GTF3C1: variants seen among roughly 807,000 people sequenced by gnomAD.
The protein encoded by GTF3C1 is general transcription factor 3C polypeptide 1.
In GTF3C1, 57 loss-of-function variants were observed where a neutral mutation model predicts 226.7. That is an observed-to-expected ratio of 0.25 (90% CI 0.20 to 0.31). The LOEUF (loss-of-function observed/expected upper bound fraction) is 0.31. Ranked by LOEUF, GTF3C1 falls within the 10% of genes least tolerant of loss-of-function variation. GTF3C1 has a pLI of 1.00. For synonymous variants in GTF3C1, 1,090 were observed against 1,084.8 expected (o/e 1.00, Z -0.09); for missense variants, 2,217 against 2,776.1 (o/e 0.80, Z 4.53).
rs2088518614 is a variant in GTF3C1 at position 27,508,296 on chromosome 16, C to T, written c.1242+244G>A. ...AAAGTGTTGGGATTACAGGTGTGGG[C>T]CACCATGCCTGGCACTTTTCAAAGC... On this transcript the variant is annotated intron_variant, in intron 8 of 36. Coordinates refer to ENST00000356183, the MANE Select transcript of GTF3C1 (RefSeq NM_001520.4). 6.6e-6 allele frequency among the ~76,000 whole-genome samples: 1 copy of T among 152,204 alleles called. No homozygotes were observed. The highest frequency in any genetic ancestry group is 1.5e-5 in the Non-Finnish European group (1 of 68,036).
rs1596642064 is a variant in GTF3C1 at position 27,508,444 on chromosome 16, C to G, written c.1242+96G>C. 3 of 938,712 alleles carry G rather than the reference C, an allele frequency of 3.2e-6. No homozygotes were observed. In the East Asian group the frequency reaches 7.3e-5, roughly 23 times the overall value. The allele number at this position is 938,712 out of a possible 1,614,324, so 58.1% of individuals were successfully genotyped here. A position where few individuals can be genotyped will look rare whatever the true frequency, so the allele number is the denominator to read the frequency against. The stretch of plus-strand genomic sequence containing the variant: ...CCATTTGCCTCCTTGACACAGATGT[C>G]AGGCCATCGAGTCTTCTGACTGAGA... On this transcript the variant is annotated intron_variant, in intron 8 of 36. Coordinates refer to ENST00000356183, the MANE Select transcript of GTF3C1 (RefSeq NM_001520.4).
intron 6 of GTF3C1, among the ~76,000 whole-genome samples, chr16:27,515,465 CAAAAA>C (rs74993489): frequency 2.3e-3 from 314 of 135,928 alleles, no homozygotes; most frequent in African/African-American, 8.0e-3. Context: ...CAAAACACAA[CAAAAA>C]AAAAAAACAA....
chr16:27,470,452 T>C lies in GTF3C1; in HGVS notation c.4527-57A>G, dbSNP rs563487271. The C allele has an allele frequency of 1.2e-3, 1,632 of 1,400,346 alleles. 6 individuals are homozygous for C. The highest frequency in any genetic ancestry group is 1.4e-3 in the Non-Finnish European group (1,438 of 1,000,902). The allele number at this position is 1,400,346 out of a possible 1,614,324, so 86.7% of individuals were successfully genotyped here. On this transcript the variant is annotated intron_variant, in intron 30 of 36. Coordinates refer to ENST00000356183, the MANE Select transcript of GTF3C1 (RefSeq NM_001520.4). This position sits in a 1 kb window ranked among gnomAD's most constrained non-coding sequence, Gnocchi z 4.9. Reference sequence around the variant, plus strand: ...GAGGGCCAGCTGTGGGAAGCCTTCATTTGGATGGACTATGAGCACGTCAAA... The same window carrying C: ...GAGGGCCAGCTGTGGGAAGCCTTCACTTGGATGGACTATGAGCACGTCAAA...
chr16:27,471,591 A>G lies in GTF3C1; in HGVS notation c.4526+157T>C. ...TGATCCCCATACCACGAAGGAGGTA[A>G]GGGGCTGCAGGAAACCCAAGCCGGC... On this transcript the variant is annotated intron_variant, in intron 30 of 36. Coordinates refer to ENST00000356183, the MANE Select transcript of GTF3C1 (RefSeq NM_001520.4). The surrounding 1 kb of genome is among the most constrained non-coding windows in gnomAD (Gnocchi z 5.0). 1.6e-6 allele frequency: 1 copy of G among 627,030 alleles called. No individual in the cohort carries two copies. The highest frequency in any genetic ancestry group is 2.8e-6 in the Non-Finnish European group (1 of 351,022). The allele number at this position is 627,030 out of a possible 1,614,324, so 38.8% of individuals were successfully genotyped here.
Position 27,490,386 on chromosome 16 carries a change from A to G in GTF3C1, c.3152-643T>C, listed in dbSNP as rs914439814. 2.0e-5 allele frequency among the ~76,000 whole-genome samples: 3 copies of G among 152,226 alleles called. No individual in the cohort carries two copies. In the South Asian group the frequency reaches 6.2e-4, roughly 32 times the overall value. On this transcript the variant is annotated intron_variant, in intron 19 of 36. Transcript: ENST00000356183. ...GTGAGGGAAGGTTTGCAGACTCTCA[A>G]AGACTCTCTCCTAGCATGCTTGGAG... is the stretch of plus-strand genomic sequence containing the variant.
At chr16:27,528,162 C>T (rs1359180898) in intron 6 of GTF3C1, among the ~76,000 whole-genome samples, 1 of 152,134 alleles carries the variant, frequency 6.6e-6, no homozygotes, top group Non-Finnish European at 1.5e-5. Flanking sequence ...GCAGTTTCAG[C>T]TACTCAGGAG....
chr16:27,542,178 G>A (rs2089094889), intron 2 of GTF3C1, among the ~76,000 whole-genome samples: 1 of 152,194 alleles, frequency 6.6e-6, no homozygotes, highest in African/African-American at 2.4e-5. Context: ...CCACGTGCAT[G>A]AGAGTACATC....
At chr16:27,546,988 T>A (rs2089174521) in intron 1 of GTF3C1, among the ~76,000 whole-genome samples, 1 of 152,008 alleles carries the variant, frequency 6.6e-6, no homozygotes, top group Non-Finnish European at 1.5e-5. Flanking sequence ...ATGATCCACC[T>A]GCCTCGGCCT....
chr16:27,519,728 G>T (rs1403210432), intron 6 of GTF3C1, among the ~76,000 whole-genome samples: 10 of 152,106 alleles, frequency 6.6e-5, no homozygotes, highest in Non-Finnish European at 1.2e-4. Context: ...AAAGAAAAAA[G>T]AGAGAGAGAC....
At chr16:27,489,260 T>C in intron 20 of GTF3C1, 82 bp from the exon 21 acceptor site, 1 of 1,479,398 alleles carries the variant, frequency 6.8e-7, no homozygotes, top group South Asian at 1.2e-5. Context: ...TTGAGGGACA[T>C]TTATTTATAA....
chr16:27,502,959 A>G lies in GTF3C1; in HGVS notation c.1807T>C (p.Ser603Pro), dbSNP rs1169415145. 6.2e-7 allele frequency: 1 copy of G among 1,612,774 alleles called. No individual in the cohort carries two copies. The highest frequency in any genetic ancestry group is 8.5e-7 in the Non-Finnish European group (1 of 1,178,926). Residue 603 changes from serine to proline, a missense_variant, in exon 11 of 37, where the codon TCA (serine) becomes CCA (proline). Coordinates refer to ENST00000356183, the MANE Select transcript of GTF3C1 (RefSeq NM_001520.4). ...SSSLKTGRHS[S>P]GQDKPHETYR... ...GTTTCGTGTGGTTTGTCTTGGCCTG[A>G]GCTGTGCCTCCCAGTCTTCAGGGAA...
Position 27,470,079 on chromosome 16 carries a change from A to G in GTF3C1, c.4814+29T>C. On this transcript the variant is annotated intron_variant, in intron 31 of 36. Transcript: ENST00000356183. The surrounding 1 kb of genome is among the most constrained non-coding windows in gnomAD (Gnocchi z 4.9). Reference sequence around the variant, plus strand: ...TGGCCAATGCCTAGCACGTGGCCAGACCTGATGCTGCGGATGCCGGACTCT... The same window carrying G: ...TGGCCAATGCCTAGCACGTGGCCAGGCCTGATGCTGCGGATGCCGGACTCT... 6.3e-7 allele frequency: 1 copy of G among 1,595,624 alleles called. No individual in the cohort carries two copies.
At chr16:27,522,915 T>C (rs1024015593) in intron 6 of GTF3C1, among the ~76,000 whole-genome samples, 6 of 152,234 alleles carry the variant, frequency 3.9e-5, no homozygotes, top group African/African-American at 1.2e-4. Context: ...TGGACTTCTG[T>C]ATACCGATCT....
At chr16:27,539,726 C>G (rs2089054371) in intron 2 of GTF3C1, among the ~76,000 whole-genome samples, 1 of 152,146 alleles carries the variant, frequency 6.6e-6, no homozygotes, top group African/African-American at 2.4e-5. Context: ...GGTGATTAGG[C>G]CATGACAGTT....
At chr16:27,482,526 C>T (rs545482432) in intron 26 of GTF3C1, 150 of 456,038 alleles carry the variant, frequency 3.3e-4, no homozygotes, top group Non-Finnish European at 5.8e-4. Context: ...GCCTCCTTGG[C>T]GGAAAAGGTA....
chr16:27,536,168 G>C (rs1436301340), intron 4 of GTF3C1, among the ~76,000 whole-genome samples: 1 of 152,190 alleles, frequency 6.6e-6, no homozygotes, highest in African/African-American at 2.4e-5. Context: ...CTTTTCTCTA[G>C]TTTACTTTAT....
chr16:27,525,238 T>C (rs1289205976), intron 6 of GTF3C1, among the ~76,000 whole-genome samples: 1 of 148,948 alleles, frequency 6.7e-6, no homozygotes, highest in Admixed American at 6.6e-5. Context: ...AACAGTTAAG[T>C]CCCCAGGACA....
In GTF3C1 at chr16:27,488,496, G is replaced by A. The variant is rs1434116060; in HGVS notation, c.3511+58C>T. The A allele has an allele frequency of 3.5e-5, 55 of 1,557,106 alleles. No homozygotes were observed. In the South Asian group the frequency reaches 5.0e-4, roughly 14 times the overall value. On this transcript the variant is annotated intron_variant, in intron 22 of 36. Transcript: ENST00000356183. ...AGACCAAACCGAACATAGGGTAGTC[G>A]TTTAGGCCCTGAACTGGTACCATAT...
intron 2 of GTF3C1, among the ~76,000 whole-genome samples, chr16:27,540,259 T>C (rs1243668703): frequency 1.3e-5 from 2 of 152,240 alleles, no homozygotes; most frequent in Non-Finnish European, 2.9e-5. Flanking sequence ...CAGAAGCCCA[T>C]ATAGTGCGTC....
Sources: gnomAD v4.1 joint callset for allele counts (sites outside exome capture counted in the v4.1 genomes callset) on GRCh38, gnomAD v4.1.1 for gene constraint, Gnocchi (gnomAD v3.1) non-coding constraint, MANE v1.5 for transcripts, NCBI Gene and HGNC (gene_info 2026-07-23, HGNC 2026-07-21) for gene names.